Variants in MGA observed in about 807,000 individuals in gnomAD.
MGA encodes MAX dimerization protein MGA.
MGA carries 40 observed loss-of-function variants against 261.1 expected under a neutral mutation model. The ratio of observed to expected loss-of-function variants is 0.15; its 90% CI spans 0.12 to 0.20. The LOEUF (loss-of-function observed/expected upper bound fraction) is 0.20, where lower values mean the gene tolerates loss of function less well. MGA is among the 10% of genes least tolerant of loss of function. The pLI is 1.00. For missense variants in MGA, 3,397 were observed against 3,630.5 expected (o/e 0.94, Z 1.65); for synonymous variants, 1,302 against 1,290.6 (o/e 1.01, Z -0.19).
At chr15:41,763,322 C>T (rs1434384520) in intron 22 of MGA, among the ~76,000 whole-genome samples, 3 of 150,758 alleles carry the variant, frequency 2.0e-5, no homozygotes, top group African/African-American at 7.3e-5. Flanking sequence ...AGGATGGTCT[C>T]GATCTCCTGA....
intron 1 of MGA, among the ~76,000 whole-genome samples, chr15:41,626,661 G>C (rs1595534051): frequency 6.6e-6 from 1 of 152,114 alleles, no homozygotes; most frequent in African/African-American, 2.4e-5. Context: ...GACCTCAGGA[G>C]ATCCACCCGC....
intron 1 of MGA, among the ~76,000 whole-genome samples, chr15:41,628,109 G>A (rs139396519): frequency 5.3e-5 from 8 of 152,188 alleles, no homozygotes; most frequent in Non-Finnish European, 1.0e-4. Context: ...GGTGGCTCAT[G>A]CCTGTAATCC....
intron 5 of MGA, among the ~76,000 whole-genome samples, chr15:41,706,504 G>A (rs1567007545): frequency 6.6e-6 from 1 of 150,890 alleles, no homozygotes; most frequent in Non-Finnish European, 1.5e-5. Context: ...CCAGCACTAC[G>A]TGAGCTTTTT....
chr15:41,680,194 C>G (rs7167078), intron 2 of MGA, among the ~76,000 whole-genome samples: 43,672 of 152,000 alleles, frequency 0.29, 6,707 homozygotes, highest in Middle Eastern at 0.45. Flanking sequence ...ATTGTTGGTT[C>G]TTTACTTTGA....
intron 9 of MGA, among the ~76,000 whole-genome samples, chr15:41,725,994 A>G (rs1333003875): frequency 2.0e-5 from 3 of 152,222 alleles, no homozygotes; most frequent in Admixed American, 6.5e-5. Flanking sequence ...GTAAAAATGC[A>G]TATATTGGTC....
At chr15:41,714,051 T>C (rs1272157855) in intron 9 of MGA, among the ~76,000 whole-genome samples, 2 of 152,142 alleles carry the variant, frequency 1.3e-5, no homozygotes, top group Non-Finnish European at 2.9e-5. Context: ...TCATTATTGA[T>C]TTTTTCGTTT....
At chr15:41,713,825 T>C (rs2060498133) in intron 9 of MGA, among the ~76,000 whole-genome samples, 2 of 152,238 alleles carry the variant, frequency 1.3e-5, no homozygotes, top group South Asian at 2.1e-4. Context: ...TAGACACACG[T>C]ACGTTCCTTG....
At chr15:41,744,095 C>G (rs1445151297) in intron 15 of MGA, among the ~76,000 whole-genome samples, 2 of 152,034 alleles carry the variant, frequency 1.3e-5, no homozygotes, top group Non-Finnish European at 2.9e-5. Context: ...TGATGTGGTC[C>G]AAATTCCTCT....
intron 1 of MGA, among the ~76,000 whole-genome samples, chr15:41,628,367 CAAAAAAAAAAA>C (rs936932982): frequency 1.9e-4 from 9 of 47,118 alleles, no homozygotes; most frequent in Admixed American, 1.9e-3. Flanking sequence ...ACTCTGTATC[CAAAAAAAAAAA>C]AAAAAAAAAA....
chr15:41,707,173 T>G (rs777611105), intron 5 of MGA, among the ~76,000 whole-genome samples: 6 of 152,192 alleles, frequency 3.9e-5, no homozygotes, highest in Non-Finnish European at 7.3e-5. Flanking sequence ...CTTAATAAAT[T>G]ATCACAAACT....
chr15:41,630,029 A>G (rs934953863), intron 1 of MGA, among the ~76,000 whole-genome samples: 1 of 152,116 alleles, frequency 6.6e-6, no homozygotes, highest in African/African-American at 2.4e-5. Context: ...CCATTGTTTG[A>G]GGACATAAAC....
chr15:41,660,766 A>G (rs1171868125), intron 1 of MGA, among the ~76,000 whole-genome samples: 1 of 152,052 alleles, frequency 6.6e-6, no homozygotes, highest in African/African-American at 2.4e-5. Context: ...TCGCTCAGCT[A>G]CCTAACTGGG....
At chr15:41,740,964 C>A (rs1475281380) in intron 14 of MGA, among the ~76,000 whole-genome samples, 1 of 152,142 alleles carries the variant, frequency 6.6e-6, no homozygotes, top group East Asian at 1.9e-4. Context: ...TGTTTCAAAT[C>A]TGTTAGGAAT....
chr15:41,699,493 A>ATGTGTGTG (rs10637801), intron 5 of MGA, among the ~76,000 whole-genome samples: 3 of 150,940 alleles, frequency 2.0e-5, no homozygotes, highest in Non-Finnish European at 4.4e-5. Flanking sequence ...GCTTTTGTTT[A>ATGTGTGTG]TGTGTGTGTG....
At chr15:41,727,873 G>C (rs974353940) in intron 10 of MGA, among the ~76,000 whole-genome samples, 12 of 152,154 alleles carry the variant, frequency 7.9e-5, no homozygotes, top group African/African-American at 2.9e-4. Flanking sequence ...GTAAAAGTAG[G>C]AAGTTATTCA....
rs1173209207 is a variant in MGA, at chr15:41,769,707, CATG to C, written c.*2430_*2432del. On this transcript the variant is annotated 3_prime_UTR_variant, in exon 24 of 24. Coordinates refer to ENST00000219905, the MANE Select transcript of MGA (RefSeq NM_001164273.2). Reference sequence around the variant, plus strand: ...GCTCTCACCCTAACACTATAAGAAGCATGATCTCAATAGACCAATAATTCACCT... The same window carrying C: ...GCTCTCACCCTAACACTATAAGAAGCATCTCAATAGACCAATAATTCACCT... 2 of 152,566 alleles carry C rather than the reference CATG, an allele frequency of 1.3e-5. No individual in the cohort carries two copies. The highest frequency in any genetic ancestry group is 4.8e-5 in the African/African-American group (2 of 41,416). 9.5% of individuals were successfully genotyped at this position (152,566 alleles called of 1,614,324 possible).
At chr15:41,729,115 G>A (rs1253290479) in intron 10 of MGA, 49 bp from the exon 11 acceptor site, 2 of 1,542,642 alleles carry the variant, frequency 1.3e-6, no homozygotes, top group Non-Finnish European at 8.8e-7. Flanking sequence ...TTGGAGTCTA[G>A]CGGAGTTTTT....
At chr15:41,763,259 C>T (rs1441675343) in intron 22 of MGA, among the ~76,000 whole-genome samples, 1 of 151,286 alleles carries the variant, frequency 6.6e-6, no homozygotes, top group Non-Finnish European at 1.5e-5. Context: ...GCCACTACAC[C>T]CGGCTAATTT....
intron 9 of MGA, among the ~76,000 whole-genome samples, chr15:41,721,190 G>T (rs1262955916): frequency 6.6e-6 from 1 of 152,158 alleles, no homozygotes; most frequent in Non-Finnish European, 1.5e-5. Context: ...TTCAGAGGCT[G>T]GGCACGGTGT....
Sources: gnomAD v4.1 joint callset for allele counts (sites outside exome capture counted in the v4.1 genomes callset) on GRCh38, gnomAD v4.1.1 for gene constraint, MANE v1.5 for transcripts, NCBI Gene and HGNC (gene_info 2026-07-23, HGNC 2026-07-21) for gene names.